Variants in IFT81 observed in about 807,000 individuals in gnomAD.
The protein encoded by IFT81 is intraflagellar transport protein 81 homolog.
A neutral mutation model predicts 102.6 loss-of-function variants in IFT81; 72 were observed. That is an observed-to-expected ratio of 0.70 (90% CI 0.58 to 0.85). The LOEUF is 0.85. IFT81 is among the 40% of genes least tolerant of loss of function. IFT81 has a pLI of 0.00. For synonymous variants in IFT81, 237 were observed against 242.7 expected, an observed-to-expected ratio of 0.98 and a Z score of 0.22; for missense variants, 723 against 787.3, an observed-to-expected ratio of 0.92 and a Z score of 0.98.
chr12:110,203,751 TGC>T, intron 14 of IFT81, 111 bp from the exon 15 acceptor site: 1 of 712,062 alleles, frequency 1.4e-6, no homozygotes, highest in Non-Finnish European at 2.5e-6. Context: ...CTCTTAAGTA[TGC>T]CAAGAAGCTT....
chr12:110,142,975 C>T (rs1894989800), intron 8 of IFT81, among the ~76,000 whole-genome samples: 2 of 152,024 alleles, frequency 1.3e-5, no homozygotes, highest in Admixed American at 1.3e-4. Context: ...ACATGATCAT[C>T]TGTATAAAAG....
intron 9 of IFT81, 26 bp downstream of exon 9, chr12:110,143,571 C>G (rs1300128931): frequency 2.0e-6 from 3 of 1,512,562 alleles, no homozygotes; most frequent in Non-Finnish European, 2.6e-6. Flanking sequence ...CTTTTTATAG[C>G]TCTCAATTTT....
At chr12:110,173,320 A>G (rs1271076198) in intron 11 of IFT81, among the ~76,000 whole-genome samples, 32 of 71,450 alleles carry the variant, frequency 4.5e-4, no homozygotes, top group African/African-American at 7.2e-4. Flanking sequence ...CCGGCCAGCC[A>G]CCCCGTCCGG....
intron 18 of IFT81, 143 bp from the exon 19 acceptor site, chr12:110,217,901 A>C (rs1462255967): frequency 1.7e-6 from 1 of 590,782 alleles, no homozygotes; most frequent in African/African-American, 2.0e-5. Context: ...TTATAATCTT[A>C]GTTTTGGTAC....
intron 17 of IFT81, among the ~76,000 whole-genome samples, chr12:110,205,987 T>C (rs1265623160): frequency 1.3e-5 from 2 of 152,220 alleles, no homozygotes; most frequent in Non-Finnish European, 2.9e-5. Flanking sequence ...CCATCACCAC[T>C]GTATATTTAC....
chr12:110,201,432 G>A (rs1360580217), intron 14 of IFT81, among the ~76,000 whole-genome samples: 5 of 149,516 alleles, frequency 3.3e-5, no homozygotes. Flanking sequence ...AAAAATTTTT[G>A]TTTTTTGTTT....
chr12:110,146,854 A>AG (rs1205327841), intron 9 of IFT81, 99 bp from the exon 10 acceptor site: 7 of 1,336,102 alleles, frequency 5.2e-6, no homozygotes, highest in Non-Finnish European at 5.8e-6. Flanking sequence ...TTAAAAAAAA[A>AG]GAACCATAAA....
chr12:110,130,438 C>T (rs1894096396), intron 4 of IFT81, among the ~76,000 whole-genome samples: 1 of 149,666 alleles, frequency 6.7e-6, no homozygotes, highest in Non-Finnish European at 1.5e-5. Flanking sequence ...GGTGCAATCT[C>T]GGCTCACTGC....
At chr12:110,179,583 G>A (rs557213036) in intron 11 of IFT81, among the ~76,000 whole-genome samples, 7 of 150,884 alleles carry the variant, frequency 4.6e-5, no homozygotes, top group South Asian at 2.1e-4. Flanking sequence ...TTAGCCAGGC[G>A]TGGTGCTCTG....
chr12:110,203,623 A>G (rs1018000313), intron 14 of IFT81: 7 of 448,694 alleles, frequency 1.6e-5, no homozygotes, highest in Non-Finnish European at 2.9e-5. Context: ...TTTATTCACT[A>G]TTGTCTCCCC....
intron 18 of IFT81, among the ~76,000 whole-genome samples, chr12:110,213,154 T>G (rs1052335678): frequency 3.3e-5 from 5 of 152,220 alleles, no homozygotes; most frequent in Non-Finnish European, 5.9e-5. Flanking sequence ...CAAACTTCAC[T>G]ATGATTTATT....
chr12:110,140,685 A>G (rs368350197), intron 8 of IFT81, among the ~76,000 whole-genome samples: 3 of 152,086 alleles, frequency 2.0e-5, no homozygotes, highest in African/African-American at 7.2e-5. Flanking sequence ...ATGACTGACT[A>G]ATTACAGTGT....
rs1390304281 is a variant in IFT81, at chr12:110,161,846, A to AT, written c.1042-1066dup. On this transcript the variant is annotated intron_variant, in intron 10 of 18. Transcript: ENST00000242591. Reference sequence around the variant, plus strand: ...ATTTTCTTAAAAAAAGGACAATAGAATTTTTTTAAGGATTTGTGCTAGAGA... The same window carrying AT: ...ATTTTCTTAAAAAAAGGACAATAGAATTTTTTTTAAGGATTTGTGCTAGAGA... Among the ~76,000 whole-genome samples the AT allele has an allele frequency of 6.6e-5, 10 of 152,234 alleles. No homozygotes were observed. In the East Asian group the frequency reaches 1.4e-3, roughly 21 times the overall value.
chr12:110,144,374 G>A (rs112335980), intron 9 of IFT81, among the ~76,000 whole-genome samples: 3 of 151,598 alleles, frequency 2.0e-5, no homozygotes, highest in African/African-American at 7.3e-5. Flanking sequence ...GCGCCACCAC[G>A]CCTGGCTAAT....
chr12:110,177,844 T>C (rs1566146415), intron 11 of IFT81, among the ~76,000 whole-genome samples: 3 of 151,564 alleles, frequency 2.0e-5, no homozygotes, highest in Non-Finnish European at 3.0e-5. Flanking sequence ...CCTGTAATCC[T>C]AGCACTTTGG....
intron 18 of IFT81, among the ~76,000 whole-genome samples, chr12:110,210,990 G>A (rs1869340319): frequency 6.8e-6 from 1 of 146,888 alleles, no homozygotes; most frequent in Non-Finnish European, 1.5e-5. Context: ...TGAATAGCTG[G>A]GACTACAGGA....
At chr12:110,210,193 G>A (rs1045137124) in intron 18 of IFT81, among the ~76,000 whole-genome samples, 7 of 152,136 alleles carry the variant, frequency 4.6e-5, no homozygotes, top group Non-Finnish European at 4.4e-5. Flanking sequence ...AAGATGACCA[G>A]TCATCAAGTG....
rs529154173 is a variant in IFT81 at position 110,147,311 on chromosome 12, G to C, written c.1041+263G>C. On this transcript the variant is annotated intron_variant, in intron 10 of 18. Transcript: ENST00000242591. ...AATAGAGCTATTTGTGTTTGTATCT[G>C]TGACTGTGGAATTTATTTTTAAAAT... Among the ~76,000 whole-genome samples, 108 of 152,264 alleles carry C rather than the reference G, an allele frequency of 7.1e-4. 1 individual carries two copies. Among genetic ancestry groups the C allele is most frequent in the African/African-American group, 2.6e-3 (106 of 41,542 alleles).
chr12:110,209,799 A>G (rs1869177420), intron 18 of IFT81, among the ~76,000 whole-genome samples: 1 of 151,854 alleles, frequency 6.6e-6, no homozygotes, highest in African/African-American at 2.4e-5. Context: ...TTATTCTCAG[A>G]TATCTCTTTA....
Sources: gnomAD v4.1 joint callset for allele counts (sites outside exome capture counted in the v4.1 genomes callset) on GRCh38, gnomAD v4.1.1 for gene constraint, MANE v1.5 for transcripts, NCBI Gene and HGNC (gene_info 2026-07-23, HGNC 2026-07-21) for gene names.